TUG1: variants seen among roughly 807,000 people sequenced by gnomAD.
TUG1 encodes the protein taurine up-regulated 1.
Position 30,969,634 on chromosome 22 carries a change from A to AGGC in TUG1, c.288_290dup (p.Ala100dup), listed in dbSNP as rs900041888. On this transcript the variant is annotated inframe_insertion, in exon 1 of 3. Coordinates refer to ENST00000644773, the Ensembl canonical transcript of TUG1. ...CAGCTGCTCCGCCCCGCTCCGGGGGAGGCGGCGGCGGCAGCGGCCGCGGGA... is the reference window on the plus strand; with the variant it reads ...CAGCTGCTCCGCCCCGCTCCGGGGGAGGCGGCGGCGGCGGCAGCGGCCGCGGGA... 9.0e-4 allele frequency: 134 copies of AGGC among 149,150 alleles called. 1 individual carries two copies. The highest frequency in any genetic ancestry group is 3.2e-3 in the African/African-American group (127 of 39,840). 9.2% of individuals were successfully genotyped at this position (149,150 alleles called of 1,614,324 possible). A position where few individuals can be genotyped will look rare whatever the true frequency, so the allele number is the denominator to read the frequency against.
At chr22:30,975,757 C>A (rs2041281188) in exon 3 of TUG1, 1 of 152,146 alleles carries the variant, frequency 6.6e-6, no homozygotes. Context: ...AAGTCTTGAC[C>A]CTCCATGAAT....
At chr22:30,976,023 G>A (rs2041284497) in exon 3 of TUG1, 1 of 143,208 alleles carries the variant, frequency 7.0e-6, no homozygotes. Flanking sequence ...TTTTTATTCA[G>A]TTTAACTACT....
chr22:30,974,346 T>TGAA (rs1555949143), intron 2 of TUG1: 2 of 93,174 alleles, frequency 2.1e-5, no homozygotes, highest in Non-Finnish European at 4.2e-5. Flanking sequence ...TTCAGAAGTC[T>TGAA]GAAAAAAAAA....
chr22:30,970,165 G>A (rs2041211584), exon 1 of TUG1: 1 of 152,168 alleles, frequency 6.6e-6, no homozygotes, highest in African/African-American at 2.4e-5. Flanking sequence ...GGGAATGTGC[G>A]GTTTGGGGGA....
At chr22:30,972,806 T>C (rs1298911983) in intron 1 of TUG1, 49 bp from the exon 2 acceptor site, 1 of 153,440 alleles carries the variant, frequency 6.5e-6, no homozygotes, top group Non-Finnish European at 1.5e-5. Flanking sequence ...CCTGTGTTTG[T>C]AATTCCATGC....
At chr22:30,973,304 C>G (rs1219816064) in exon 2 of TUG1, 3 of 152,212 alleles carry the variant, frequency 2.0e-5, no homozygotes, top group Non-Finnish European at 4.4e-5. Context: ...CCCACAATCT[C>G]AAATGATTGA....
At chr22:30,972,758 C>G (rs768333031) in intron 1 of TUG1, 97 bp from the exon 2 acceptor site, 8 of 153,098 alleles carry the variant, frequency 5.2e-5, no homozygotes, top group Non-Finnish European at 7.3e-5. Context: ...TAACAGCCAT[C>G]AGGCTGCCGA....
In TUG1 at chr22:30,976,033, T is replaced by C. The variant is rs1001659924; in HGVS notation, c.*3558T>C. The C allele has an allele frequency of 2.1e-4, 32 of 150,520 alleles. 1 individual carries two copies. The highest frequency in any genetic ancestry group is 7.8e-4 in the African/African-American group (32 of 40,890). The allele number at this position is 150,520 out of a possible 1,614,324, so 9.3% of individuals were successfully genotyped here. On this transcript the variant is annotated 3_prime_UTR_variant, in exon 3 of 3. Coordinates refer to ENST00000644773, the Ensembl canonical transcript of TUG1. ...CTTGGTTTTTATTCAGTTTAACTACTGTTTCCAAGATAAATGAGCTAATAA... is the reference window on the plus strand; with the variant it reads ...CTTGGTTTTTATTCAGTTTAACTACCGTTTCCAAGATAAATGAGCTAATAA...
chr22:30,971,744 T>A (rs1199477685), exon 1 of TUG1: 1 of 152,890 alleles, frequency 6.5e-6, no homozygotes, highest in African/African-American at 2.4e-5. Context: ...AGACCCTCAG[T>A]GCAAACTGAG....
exon 1 of TUG1, chr22:30,970,404 A>T (rs1028328901): frequency 9.2e-5 from 14 of 152,234 alleles, no homozygotes; most frequent in Admixed American, 7.9e-4. Context: ...ATTCGGGGTT[A>T]ACAACAGTCC....
chr22:30,979,246 T>C (rs1569214542), exon 3 of TUG1: 1 of 152,188 alleles, frequency 6.6e-6, no homozygotes, highest in Non-Finnish European at 1.5e-5. Context: ...GTGCTTATGT[T>C]TATAAATGCA....
At chr22:30,974,789 A>G (rs1034758252) in intron 2 of TUG1, 2 of 152,204 alleles carry the variant, frequency 1.3e-5, no homozygotes, top group Admixed American at 1.3e-4. Context: ...GTTCAAGGAC[A>G]TTGCATCTCA....
At chr22:30,973,729 T>C (rs1278287721) in intron 2 of TUG1, 142 bp downstream of exon 2, 2 of 152,252 alleles carry the variant, frequency 1.3e-5, no homozygotes, top group Non-Finnish European at 2.9e-5. Context: ...TTTTAAAAGT[T>C]AAGCAATTAT....
At chr22:30,977,129 C>G (rs547288455) in exon 3 of TUG1, 3 of 152,222 alleles carry the variant, frequency 2.0e-5, no homozygotes, top group African/African-American at 7.2e-5. Flanking sequence ...TGATCATCTG[C>G]TCGAGTCTAA....
At chr22:30,972,649 T>C (rs1168913957) in intron 1 of TUG1, 1 of 152,622 alleles carries the variant, frequency 6.6e-6, no homozygotes, top group Non-Finnish European at 1.5e-5. Flanking sequence ...TTCCCACAAA[T>C]CGAGAGTGTT....
At chr22:30,976,233 C>T (rs1032277187) in exon 3 of TUG1, 4 of 152,080 alleles carry the variant, frequency 2.6e-5, no homozygotes, top group African/African-American at 9.7e-5. Flanking sequence ...GGAAAAGTTT[C>T]TTCTAGCCAG....
chr22:30,978,253 T>A (rs1471105457), exon 3 of TUG1: 1 of 152,212 alleles, frequency 6.6e-6, no homozygotes, highest in Non-Finnish European at 1.5e-5. Flanking sequence ...ATCCAACATA[T>A]GCTATTGGAC....
chr22:30,973,460 T>C (rs915598230), exon 2 of TUG1: 2 of 152,220 alleles, frequency 1.3e-5, no homozygotes, highest in African/African-American at 4.8e-5. Context: ...TAGCATCTTC[T>C]TTGGAATTAC....
chr22:30,976,461 T>C (rs2041288895), exon 3 of TUG1: 1 of 152,222 alleles, frequency 6.6e-6, no homozygotes, highest in Non-Finnish European at 1.5e-5. Context: ...CTATGAAGAC[T>C]GCAGCTAAGG....
Sources: gnomAD v4.1 joint callset for allele counts on GRCh38, gnomAD v4.1.1 for gene constraint, MANE v1.5 for transcripts, NCBI Gene and HGNC (gene_info 2026-07-23, HGNC 2026-07-21) for gene names.